SWT1: variants seen among roughly 807,000 people sequenced by gnomAD.
SWT1 encodes transcriptional protein SWT1.
Under a neutral mutation model 107.3 loss-of-function variants are expected in SWT1, and 33 were observed. The observed-to-expected ratio is 0.31, with a 90% confidence interval of 0.23 to 0.41. SWT1 has a LOEUF of 0.41. Among genes scored for constraint, SWT1 ranks in the 10% least tolerant of loss-of-function variants. The pLI, the probability that SWT1 is intolerant of heterozygous loss-of-function variation, is 1.00. For missense variants in SWT1, 898 were observed against 1,028.9 expected (o/e 0.87, Z 1.74); for synonymous variants, 345 against 348.3 (o/e 0.99, Z 0.11).
intron 15 of SWT1, among the ~76,000 whole-genome samples, chr1:185,222,595 GA>G (rs1230413735): frequency 6.6e-6 from 1 of 150,692 alleles, no homozygotes; most frequent in Non-Finnish European, 1.5e-5. Flanking sequence ...CATCTCTACT[GA>G]AAAAAGAAAA....
At chr1:185,164,071 A>G (rs1176935132) in intron 2 of SWT1, among the ~76,000 whole-genome samples, 2 of 152,224 alleles carry the variant, frequency 1.3e-5, no homozygotes, top group Non-Finnish European at 2.9e-5. Context: ...TGGATGTTGC[A>G]TTAGCAAGCG....
chr1:185,166,668 T>C lies in SWT1; in HGVS notation c.165+16T>C, dbSNP rs546802647. On this transcript the variant is annotated intron_variant, in intron 3 of 18. Transcript: ENST00000367500. ...GAGAAAACTGGTGAGTGTCTAGATA[T>C]AACTAACTAAAAGTTATTTATGCTA... The C allele has an allele frequency of 8.1e-6, 12 of 1,475,462 alleles. No individual in the cohort carries two copies. The highest frequency in any genetic ancestry group is 3.9e-5 in the Admixed American group (2 of 51,174). The allele number at this position is 1,475,462 out of a possible 1,614,324, so 91.4% of individuals were successfully genotyped here. A position where few individuals can be genotyped will look rare whatever the true frequency, so the allele number is the denominator to read the frequency against.
chr1:185,280,860 T>C (rs1571704751), intron 18 of SWT1: 2 of 441,496 alleles, frequency 4.5e-6, no homozygotes, highest in Non-Finnish European at 9.2e-6. Context: ...GAGCTGGCGG[T>C]GCAGAAGGTG....
At chr1:185,285,708 G>A (rs1664906801) in intron 18 of SWT1, among the ~76,000 whole-genome samples, 1 of 152,076 alleles carries the variant, frequency 6.6e-6, no homozygotes, top group Admixed American at 6.5e-5. Context: ...GTTAATTTTT[G>A]TATATGATGT....
intron 18 of SWT1, among the ~76,000 whole-genome samples, chr1:185,284,314 C>T (rs1206098355): frequency 1.3e-5 from 2 of 152,138 alleles, no homozygotes; most frequent in Non-Finnish European, 2.9e-5. Flanking sequence ...GGCTTTCTTT[C>T]TGTTATTAGA....
intron 16 of SWT1, among the ~76,000 whole-genome samples, chr1:185,232,829 A>T (rs1264172568): frequency 1.3e-5 from 2 of 152,142 alleles, no homozygotes; most frequent in Admixed American, 6.5e-5. Context: ...CTGTAAGGAA[A>T]TTTTTTTAAT....
At chr1:185,213,344 G>T (rs1372902145) in intron 13 of SWT1, among the ~76,000 whole-genome samples, 1 of 152,106 alleles carries the variant, frequency 6.6e-6, no homozygotes, top group African/African-American at 2.4e-5. Context: ...GCTTTAAAAA[G>T]AAATGAAAGT....
At chr1:185,166,746 G>A (rs1654607055) in intron 3 of SWT1, 94 bp downstream of exon 3, 1 of 758,266 alleles carries the variant, frequency 1.3e-6, no homozygotes, top group Non-Finnish European at 2.2e-6. Context: ...CTTTTTGATA[G>A]CCAATAGAAA....
chr1:185,199,756 T>C (rs892290167), intron 10 of SWT1, among the ~76,000 whole-genome samples: 1 of 152,148 alleles, frequency 6.6e-6, no homozygotes, highest in Non-Finnish European at 1.5e-5. Context: ...ATCTTTGTGG[T>C]GTTCTCTGTA....
intron 4 of SWT1, among the ~76,000 whole-genome samples, chr1:185,169,866 A>G (rs1400612629): frequency 6.6e-6 from 1 of 152,148 alleles, no homozygotes; most frequent in Non-Finnish European, 1.5e-5. Context: ...AACTCAAGGC[A>G]CAAACTTATA....
intron 16 of SWT1, among the ~76,000 whole-genome samples, chr1:185,252,737 G>C (rs1313784965): frequency 2.0e-5 from 3 of 152,160 alleles, no homozygotes; most frequent in Non-Finnish European, 4.4e-5. Context: ...TAGGTTGCCT[G>C]TTCACTCTGT....
intron 14 of SWT1, among the ~76,000 whole-genome samples, chr1:185,219,304 C>T (rs1295407741): frequency 6.6e-6 from 1 of 152,138 alleles, no homozygotes; most frequent in African/African-American, 2.4e-5. Flanking sequence ...ATTAACCTTT[C>T]TATGCCTCAG....
chr1:185,220,206 TTTTTG>T (rs1447612451), intron 14 of SWT1, among the ~76,000 whole-genome samples: 3 of 150,372 alleles, frequency 2.0e-5, no homozygotes, highest in Admixed American at 1.3e-4. Context: ...CACTCTTTTT[TTTTTG>T]TTTTATTTTC....
intron 16 of SWT1, among the ~76,000 whole-genome samples, chr1:185,256,686 A>AT (rs1392830751): frequency 6.7e-6 from 1 of 149,052 alleles, no homozygotes; most frequent in East Asian, 2.0e-4. Flanking sequence ...ATTCTTTTAA[A>AT]TTTTTTTCAA....
At chr1:185,200,010 A>G (rs1657732801) in intron 10 of SWT1, among the ~76,000 whole-genome samples, 1 of 151,258 alleles carries the variant, frequency 6.6e-6, no homozygotes, top group Admixed American at 6.6e-5. Context: ...TCAGTTTGTG[A>G]TATCCTTTCT....
rs532512212 is a variant in SWT1 at position 185,280,490 on chromosome 1, G to T, written c.2573+3822G>T. 2.6e-5 allele frequency among the ~76,000 whole-genome samples: 4 copies of T among 152,110 alleles called. No homozygotes were observed. The East Asian group carries it at 5.8e-4, about 22-fold the overall frequency. ...CTTTAACCTGGTTTCCTGACACAGAGCTCCTAAATCTCTTGGAATTTCCTA... is the reference window on the plus strand; with the variant it reads ...CTTTAACCTGGTTTCCTGACACAGATCTCCTAAATCTCTTGGAATTTCCTA... On this transcript the variant is annotated intron_variant, in intron 18 of 18. Coordinates refer to ENST00000367500, the MANE Select transcript of SWT1 (RefSeq NM_017673.7).
At chr1:185,186,259 T>G (rs1027953556) in intron 9 of SWT1, among the ~76,000 whole-genome samples, 3 of 152,182 alleles carry the variant, frequency 2.0e-5, no homozygotes, top group Admixed American at 6.5e-5. Flanking sequence ...TGATTTATTT[T>G]TATCACTTCT....
At chr1:185,245,654 G>T (rs1661553473) in intron 16 of SWT1, among the ~76,000 whole-genome samples, 1 of 152,136 alleles carries the variant, frequency 6.6e-6, no homozygotes, top group African/African-American at 2.4e-5. Context: ...GTTTATTTAT[G>T]CCAGCATCAC....
chr1:185,240,605 T>TGTACTTGA (rs1661195257), intron 16 of SWT1, among the ~76,000 whole-genome samples: 1 of 152,138 alleles, frequency 6.6e-6, no homozygotes, highest in Non-Finnish European at 1.5e-5. Flanking sequence ...CATGGGCATT[T>TGTACTTGA]GTACTTGATC....
Sources: allele counts gnomAD v4.1 joint callset (sites outside exome capture counted in the v4.1 genomes callset), GRCh38; gene constraint gnomAD v4.1.1; transcripts MANE v1.5; gene names NCBI Gene and HGNC (gene_info 2026-07-23, HGNC 2026-07-21).